Variants in RHPN2 observed in about 807,000 individuals in gnomAD.
RHPN2 encodes rhophilin-2.
Under a neutral mutation model 79.0 loss-of-function variants are expected in RHPN2, and 40 were observed. The ratio of observed to expected loss-of-function variants is 0.51; its 90% CI spans 0.39 to 0.66. The LOEUF (loss-of-function observed/expected upper bound fraction) is 0.66. Ranked by LOEUF, RHPN2 falls within the 30% of genes least tolerant of loss-of-function variation. The probability of loss-of-function intolerance (pLI) is 0.00; values close to 1 mark genes in which losing one functional copy is unlikely to be tolerated. For synonymous variants in RHPN2, 285 were observed against 363.5 expected, an observed-to-expected ratio of 0.78 and a Z score of 2.46; for missense variants, 686 against 883.5, an observed-to-expected ratio of 0.78 and a Z score of 2.83.
chr19:33,025,248 A>G (rs574436411), intron 3 of RHPN2, among the ~76,000 whole-genome samples: 1 of 150,872 alleles, frequency 6.6e-6, no homozygotes, highest in Admixed American at 6.6e-5. Context: ...CAAGGCGGGC[A>G]GATTACTTGA....
intron 12 of RHPN2, among the ~76,000 whole-genome samples, chr19:32,992,434 G>T (rs1205144787): frequency 6.6e-6 from 1 of 151,814 alleles, no homozygotes; most frequent in Non-Finnish European, 1.5e-5. Context: ...CAGGTGATCC[G>T]CCCGCCTCAG....
chr19:33,036,346 G>T (rs1312593113), intron 2 of RHPN2, among the ~76,000 whole-genome samples: 1 of 151,934 alleles, frequency 6.6e-6, no homozygotes, highest in East Asian at 1.9e-4. Context: ...CAGAAAATTT[G>T]AAAATGAAAA....
intron 1 of RHPN2, among the ~76,000 whole-genome samples, chr19:33,045,080 T>A (rs560273431): frequency 5.4e-4 from 75 of 139,260 alleles, no homozygotes; most frequent in Non-Finnish European, 9.8e-4. Flanking sequence ...GGAGATGGAG[T>A]CTCGCTGCGT....
At position 32,983,094 on chromosome 19, in the gene RHPN2, A is replaced by ACACACACACACACT. The variant is rs1164579516; in HGVS notation, c.1801-2839_1801-2838insAGTGTGTGTGTGTG. 3.0e-5 allele frequency among the ~76,000 whole-genome samples: 4 copies of ACACACACACACACT among 132,740 alleles called. No individual in the cohort carries two copies. In the Admixed American group the frequency reaches 3.1e-4, roughly 10 times the overall value. The allele number at this position is 132,740 out of a possible 152,430, so 87.1% of individuals were successfully genotyped here. On this transcript the variant is annotated intron_variant, in intron 14 of 14. Transcript: ENST00000254260. The stretch of plus-strand genomic sequence containing the variant: ...CACACACACACACACACACACACAC[A>ACACACACACACACT]CTCCTGCAATGCGTACCATCACATT...
chr19:33,040,299 C>T (rs775934553), intron 2 of RHPN2, among the ~76,000 whole-genome samples: 1 of 141,016 alleles, frequency 7.1e-6, no homozygotes, highest in Non-Finnish European at 1.5e-5. Flanking sequence ...TGCAGTAGCG[C>T]GATCTCAGCT....
chr19:33,024,450 A>T (rs1971950457), intron 3 of RHPN2, among the ~76,000 whole-genome samples: 1 of 152,080 alleles, frequency 6.6e-6, no homozygotes. Context: ...GATAAAACAA[A>T]CAAACAATAA....
chr19:32,994,960 C>G (rs1229990555), intron 11 of RHPN2, among the ~76,000 whole-genome samples: 1 of 152,082 alleles, frequency 6.6e-6, no homozygotes, highest in African/African-American at 2.4e-5. Context: ...CTCTCAAAAA[C>G]AAACAAACAA....
intron 12 of RHPN2, among the ~76,000 whole-genome samples, chr19:32,993,646 A>T (rs1481933829): frequency 6.6e-5 from 10 of 152,128 alleles, no homozygotes; most frequent in Admixed American, 6.6e-4. Context: ...GCCTCTCGAG[A>T]GGTGATTCAG....
chr19:33,025,478 T>G (rs1209014946), intron 3 of RHPN2, among the ~76,000 whole-genome samples: 1 of 150,786 alleles, frequency 6.6e-6, no homozygotes, highest in Non-Finnish European at 1.5e-5. Flanking sequence ...GGAGACTCTG[T>G]GTCAAAAAAA....
At chr19:32,985,529 C>T (rs1186826446) in intron 14 of RHPN2, among the ~76,000 whole-genome samples, 1 of 152,120 alleles carries the variant, frequency 6.6e-6, no homozygotes, top group Non-Finnish European at 1.5e-5. Flanking sequence ...CCTAGCTACT[C>T]AGGAAGCGGA....
In RHPN2 at chr19:32,991,855, C is replaced by G; in HGVS notation, c.1612G>C (p.Val538Leu). 1 of 1,613,968 alleles carries G rather than the reference C, an allele frequency of 6.2e-7. No homozygotes were observed. Residue 538 changes from valine to leucine, a missense_variant, in exon 13 of 15, where the codon GTT becomes CTT. By Grantham distance (32) the Val-to-Leu change is conservative. Transcript: ENST00000254260. ...FTLRGNAPVQ[V>L]HFLDPYCSAS... ...GAGCAGTAAGGATCCAGGAAGTGAA[C>G]CTGAACGGGGGCGTTCCCTCTCAAG...
intron 2 of RHPN2, among the ~76,000 whole-genome samples, chr19:33,042,189 C>A (rs1439194717): frequency 3.9e-4 from 50 of 129,380 alleles, no homozygotes; most frequent in East Asian, 7.4e-4. Context: ...AACTCCATCT[C>A]AAAAAAAAAA....
intron 6 of RHPN2, among the ~76,000 whole-genome samples, chr19:33,008,676 G>A (rs781396301): frequency 3.9e-5 from 6 of 152,134 alleles, no homozygotes; most frequent in South Asian, 2.1e-4. Context: ...AGGCTGAGGC[G>A]GAAGAATCAC....
intron 11 of RHPN2, among the ~76,000 whole-genome samples, chr19:32,995,548 G>A (rs1452903614): frequency 1.3e-5 from 2 of 151,992 alleles, no homozygotes; most frequent in African/African-American, 2.4e-5. Flanking sequence ...GATTCTACAC[G>A]AGAACAAACA....
At chr19:33,061,801 C>T (rs999148308) in intron 1 of RHPN2, among the ~76,000 whole-genome samples, 5 of 151,812 alleles carry the variant, frequency 3.3e-5, no homozygotes, top group Admixed American at 2.6e-4. Context: ...GCCTTTCATT[C>T]GGCCATTTGG....
intron 1 of RHPN2, among the ~76,000 whole-genome samples, chr19:33,046,780 T>A (rs1396726374): frequency 6.6e-6 from 1 of 152,220 alleles, no homozygotes; most frequent in Non-Finnish European, 1.5e-5. Flanking sequence ...TGACAGTTAA[T>A]GATGTTGAAT....
chr19:33,005,406 C>T, intron 7 of RHPN2, among the ~76,000 whole-genome samples: 1 of 84,622 alleles, frequency 1.2e-5, no homozygotes, highest in Admixed American at 1.8e-4. Context: ...GAGTGAGATT[C>T]TGTCTCAAAA....
chr19:33,032,943 T>G (rs1381250704), intron 2 of RHPN2, among the ~76,000 whole-genome samples: 2 of 152,206 alleles, frequency 1.3e-5, no homozygotes, highest in African/African-American at 2.4e-5. Context: ...TACCTCCAGC[T>G]AAATCTCTCC....
rs559183857 is a variant in RHPN2 at position 32,990,003 on chromosome 19, G to C, written c.1800+511C>G. Among the ~76,000 whole-genome samples, 18 of 152,228 alleles carry C rather than the reference G, an allele frequency of 1.2e-4. 1 individual carries two copies. The South Asian group carries it at 3.7e-3, about 32-fold the overall frequency. Reference sequence around the variant, plus strand: ...GCCTGTAGTCCCACCTGCTTGGGAGGCTGAGGCAGGAGAATGGTGTGAACC... The same window carrying C: ...GCCTGTAGTCCCACCTGCTTGGGAGCCTGAGGCAGGAGAATGGTGTGAACC... On this transcript the variant is annotated intron_variant, in intron 14 of 14. Coordinates refer to ENST00000254260, the MANE Select transcript of RHPN2 (RefSeq NM_033103.5).
Sources: allele counts gnomAD v4.1 joint callset (sites outside exome capture counted in the v4.1 genomes callset), GRCh38; gene constraint gnomAD v4.1.1; transcripts MANE v1.5; gene names NCBI Gene and HGNC (gene_info 2026-07-23, HGNC 2026-07-21).